Variants in CLCN5 observed in about 807,000 individuals in gnomAD.
CLCN5 encodes Cl-/H+ antiporter 5.
CLCN5 carries 17 observed loss-of-function variants against 54.0 expected under a neutral mutation model. That is an observed-to-expected ratio of 0.31 (90% CI 0.22 to 0.47). CLCN5 has a LOEUF of 0.47. Ranked by LOEUF, CLCN5 falls within the 20% of genes least tolerant of loss-of-function variation. The pLI, the probability that CLCN5 is intolerant of heterozygous loss-of-function variation, is 1.00. For synonymous variants in CLCN5, 222 were observed against 233.0 expected, an observed-to-expected ratio of 0.95 and a Z score of 0.43; for missense variants, 448 against 646.7, an observed-to-expected ratio of 0.69 and a Z score of 3.33.
chrX:50,015,385 A>G (rs1930735204), intron 3 of CLCN5, among the ~76,000 whole-genome samples: 1 of 108,838 alleles, frequency 9.2e-6, no homozygotes, highest in Non-Finnish European at 1.9e-5. Context: ...TAGAACTGTG[A>G]GCTGCCTTTA....
chrX:50,090,316 A>G lies in CLCN5; in HGVS notation c.1945A>G (p.Lys649Glu). 1 of 1,211,341 alleles carries G rather than the reference A, an allele frequency of 8.3e-7. No individual in the cohort carries two copies. The highest frequency in any genetic ancestry group is 2.3e-4 in the Middle Eastern group (1 of 4,355). ...TGAAGCCAAAGAAGAGTTTGCTCATAAGACCCTGGCAATGGATGTGATGAA... is the reference window on the plus strand; with the variant it reads ...TGAAGCCAAAGAAGAGTTTGCTCATGAGACCCTGGCAATGGATGTGATGAA... ...FLEAKEEFAHKTLAMDVMKPR... is the reference protein window; with the variant it reads ...FLEAKEEFAHETLAMDVMKPR... Residue 649 changes from lysine to glutamate, a missense_variant, in exon 13 of 15, where the codon AAG (lysine) becomes GAG (glutamate). By Grantham distance (56) the Lys-to-Glu change is moderately conservative (BLOSUM62 1). Coordinates refer to ENST00000376091, the MANE Select transcript of CLCN5 (RefSeq NM_001127898.4).
At chrX:49,976,813 G>T (rs1219458701) in intron 3 of CLCN5, among the ~76,000 whole-genome samples, 1 of 111,501 alleles carries the variant, frequency 9.0e-6, no homozygotes, top group Admixed American at 9.6e-5. Context: ...TGACATGGCA[G>T]CAAAGATAAA....
At chrX:50,040,023 G>C (rs1043595086) in intron 3 of CLCN5, among the ~76,000 whole-genome samples, 1 of 111,941 alleles carries the variant, frequency 8.9e-6, no homozygotes, top group African/African-American at 3.3e-5. Context: ...AAAAAGTAAA[G>C]GCACTTCTTC....
chrX:50,057,997 G>A (rs782495941), intron 4 of CLCN5, among the ~76,000 whole-genome samples: 2 of 111,475 alleles, frequency 1.8e-5, no homozygotes, highest in African/African-American at 3.2e-5. Flanking sequence ...CTTAGTATTT[G>A]CTGTTGAATG....
intron 3 of CLCN5, among the ~76,000 whole-genome samples, chrX:50,037,957 A>C (rs1431073256): frequency 9.0e-6 from 1 of 111,293 alleles, no homozygotes; most frequent in Non-Finnish European, 1.9e-5. Context: ...TTTAAATACC[A>C]CCCCCAACTA....
chrX:49,942,654 G>GT (rs1483549739), intron 3 of CLCN5, among the ~76,000 whole-genome samples: 2 of 106,464 alleles, frequency 1.9e-5, no homozygotes, highest in Non-Finnish European at 3.8e-5. Context: ...AACTTGCGGT[G>GT]TTTGTTTTTT....
intron 3 of CLCN5, among the ~76,000 whole-genome samples, chrX:50,039,098 G>A (rs1334220818): frequency 9.0e-6 from 1 of 111,138 alleles, no homozygotes; most frequent in Non-Finnish European, 1.9e-5. Context: ...GGCCAAAATA[G>A]TGAGACCCTA....
chrX:50,018,544 G>A (rs1930903137), intron 3 of CLCN5, among the ~76,000 whole-genome samples: 1 of 111,951 alleles, frequency 8.9e-6, no homozygotes, highest in Non-Finnish European at 1.9e-5. Context: ...TGCTAATGTT[G>A]CTGGAAAAGT....
chrX:49,930,710 A>T (rs961744929), intron 3 of CLCN5, among the ~76,000 whole-genome samples: 6 of 111,569 alleles, frequency 5.4e-5, no homozygotes, highest in African/African-American at 2.0e-4. Flanking sequence ...GCATATAGGA[A>T]AATTTGGCCT....
chrX:50,009,440 T>C (rs1195448750), intron 3 of CLCN5, among the ~76,000 whole-genome samples: 1 of 111,808 alleles, frequency 8.9e-6, no homozygotes, highest in African/African-American at 3.3e-5. Flanking sequence ...ATACAGTTTG[T>C]CCCAACCTCC....
At chrX:49,935,911 G>T (rs1404821380) in intron 3 of CLCN5, among the ~76,000 whole-genome samples, 2 of 111,090 alleles carry the variant, frequency 1.8e-5, no homozygotes, top group Non-Finnish European at 3.8e-5. Context: ...CTTGGAGATA[G>T]ATTGGATATG....
intron 4 of CLCN5, among the ~76,000 whole-genome samples, chrX:50,047,093 T>C (rs1932420206): frequency 9.0e-6 from 1 of 111,506 alleles, no homozygotes; most frequent in African/African-American, 3.3e-5. Flanking sequence ...GCCAAGTAAA[T>C]TGCAAAACAT....
At chrX:50,007,511 C>A (rs1246664787) in intron 3 of CLCN5, among the ~76,000 whole-genome samples, 3 of 107,324 alleles carry the variant, frequency 2.8e-5, no homozygotes, top group Non-Finnish European at 5.8e-5. Context: ...CTTCATATCC[C>A]TTATGTGAAG....
chrX:49,947,848 G>A (rs1178168266), intron 3 of CLCN5, among the ~76,000 whole-genome samples: 2 of 110,963 alleles, frequency 1.8e-5, no homozygotes, highest in Admixed American at 9.6e-5. Context: ...ATTGAGGGAC[G>A]TGATGTAGGG....
chrX:49,986,874 T>G, intron 3 of CLCN5, among the ~76,000 whole-genome samples: 1 of 112,215 alleles, frequency 8.9e-6, no homozygotes, highest in Non-Finnish European at 1.9e-5. Context: ...TCATACTTCA[T>G]TTTTTAAGGA....
intron 14 of CLCN5, 41 bp downstream of exon 14, chrX:50,090,927 AAG>A: frequency 9.4e-7 from 1 of 1,066,239 alleles, no homozygotes; most frequent in Non-Finnish European, 1.3e-6. Flanking sequence ...TTGTGGGAGA[AAG>A]AGAATGCAGA....
intron 7 of CLCN5, among the ~76,000 whole-genome samples, chrX:50,077,724 C>A (rs1462852099): frequency 1.1e-5 from 1 of 91,406 alleles, no homozygotes; most frequent in African/African-American, 4.3e-5. Context: ...GCCTGTAATC[C>A]CAGCACTTTG....
chrX:49,928,722 G>A lies in CLCN5; in HGVS notation c.16+3408G>A, dbSNP rs924549651. On this transcript the variant is annotated intron_variant, in intron 3 of 14. Coordinates refer to ENST00000376091, the MANE Select transcript of CLCN5 (RefSeq NM_001127898.4). ...GGGCGGATCACGAGGTCAGGAGATC[G>A]AGACCATCCTGGCTAACACGGTGAA... Among the ~76,000 whole-genome samples, 6 of 111,590 alleles carry A rather than the reference G, an allele frequency of 5.4e-5. No homozygotes were observed. In the East Asian group the frequency reaches 8.5e-4, roughly 16 times the overall value.
At chrX:50,002,657 GTCTCTGTC>G (rs1273015464) in intron 3 of CLCN5, among the ~76,000 whole-genome samples, 5 of 99,929 alleles carry the variant, frequency 5.0e-5, no homozygotes, top group East Asian at 3.0e-4. Flanking sequence ...CTCTGTCTCT[GTCTCTGTC>G]TCTCTCTCTC....
Sources: gnomAD v4.1 joint callset for allele counts (sites outside exome capture counted in the v4.1 genomes callset) on GRCh38, gnomAD v4.1.1 for gene constraint, MANE v1.5 for transcripts, NCBI Gene and HGNC (gene_info 2026-07-23, HGNC 2026-07-21) for gene names.